Variants in TENM4 observed in about 807,000 individuals in gnomAD.
The protein encoded by TENM4 is teneurin transmembrane protein 4, also known as teneurin-4.
A neutral mutation model predicts 243.3 loss-of-function variants in TENM4; 82 were observed. That is an observed-to-expected ratio of 0.34 (90% CI 0.28 to 0.40). The LOEUF (loss-of-function observed/expected upper bound fraction) is 0.40, where lower values mean the gene tolerates loss of function less well. Ranked by LOEUF, TENM4 falls within the 10% of genes least tolerant of loss-of-function variation. The probability of loss-of-function intolerance (pLI) is 1.00; values close to 1 mark genes in which losing one functional copy is unlikely to be tolerated. For synonymous variants in TENM4, 1,412 were observed against 1,456.3 expected (o/e 0.97, Z 0.69); for missense variants, 3,138 against 3,673.3 (o/e 0.85, Z 3.77).
intron 6 of TENM4, among the ~76,000 whole-genome samples, chr11:78,980,512 G>T (rs660810): frequency 6.6e-6 from 1 of 151,990 alleles, no homozygotes; most frequent in Admixed American, 6.5e-5. Context: ...GGAAGTTGAG[G>T]CCTGGAAGGT....
At chr11:79,244,504 C>T (rs1382543062) in intron 2 of TENM4, among the ~76,000 whole-genome samples, 2 of 152,026 alleles carry the variant, frequency 1.3e-5, no homozygotes, top group East Asian at 3.9e-4. Context: ...AATCTCCGTG[C>T]AGAACCAGGT....
intron 6 of TENM4, among the ~76,000 whole-genome samples, chr11:78,981,103 T>C (rs1240129338): frequency 6.6e-6 from 1 of 152,136 alleles, no homozygotes; most frequent in Admixed American, 6.5e-5. Flanking sequence ...CTATGAAGTA[T>C]CTGGCCTATT....
chr11:78,908,689 A>G (rs1487887862), intron 6 of TENM4, among the ~76,000 whole-genome samples: 1 of 152,238 alleles, frequency 6.6e-6, no homozygotes, highest in Non-Finnish European at 1.5e-5. Context: ...CACTCAGAAT[A>G]AAACCAGACA....
chr11:78,805,282 C>CCCCCCCCCACCCCCCCCCCCCCTTT lies in TENM4; in HGVS notation c.2179+9_2179+10insAAAGGGGGGGGGGGGGTGGGGGGGG. ...CCCTCTACCCATGCTTCTTCTCCCCCTGCATTTACCGATAGAACAGTCGTG... is the reference window on the plus strand; with the variant it reads ...CCCTCTACCCATGCTTCTTCTCCCCCCCCCCCCCACCCCCCCCCCCCCTTTTGCATTTACCGATAGAACAGTCGTG... On this transcript the variant is annotated intron_variant, in intron 15 of 33. Coordinates refer to ENST00000278550, the MANE Select transcript of TENM4 (RefSeq NM_001098816.3). 4.0e-6 allele frequency: 4 copies of CCCCCCCCCACCCCCCCCCCCCCTTT among 995,556 alleles called. No homozygotes were observed. In the South Asian group the frequency reaches 9.7e-5, roughly 24 times the overall value. 61.7% of individuals were successfully genotyped at this position (995,556 alleles called of 1,614,324 possible).
At chr11:79,083,340 T>C (rs971564523) in intron 4 of TENM4, among the ~76,000 whole-genome samples, 1 of 152,210 alleles carries the variant, frequency 6.6e-6, no homozygotes, top group African/African-American at 2.4e-5. Context: ...GCTGGCCACC[T>C]CCTCTTGAGA....
chr11:79,014,425 A>G (rs1333594635), intron 6 of TENM4: 1 of 152,234 alleles, frequency 6.6e-6, no homozygotes, highest in Non-Finnish European at 1.5e-5. Flanking sequence ...ATTAAGGCTC[A>G]CAATGACAGT....
intron 2 of TENM4, among the ~76,000 whole-genome samples, chr11:79,248,760 C>A (rs1855562353): frequency 6.9e-6 from 1 of 144,682 alleles, no homozygotes; most frequent in Admixed American, 6.7e-5. Context: ...ATATGGTCAA[C>A]TTTTTCTGCA....
intron 3 of TENM4, among the ~76,000 whole-genome samples, chr11:79,176,406 CT>C (rs1863160643): frequency 6.6e-6 from 1 of 152,192 alleles, no homozygotes. Context: ...CTTAGCAATT[CT>C]TTTCAGATGT....
At chr11:79,324,905 G>A (rs1393534426) in intron 1 of TENM4, among the ~76,000 whole-genome samples, 1 of 152,134 alleles carries the variant, frequency 6.6e-6, no homozygotes, top group Admixed American at 6.5e-5. Context: ...TTAGGAGTCA[G>A]GTGAAATGGA....
At chr11:78,937,331 G>C (rs1484994043) in intron 6 of TENM4, among the ~76,000 whole-genome samples, 2 of 152,144 alleles carry the variant, frequency 1.3e-5, no homozygotes, top group African/African-American at 4.8e-5. Flanking sequence ...GTTTCCCAGA[G>C]GGTGCTTTTC....
chr11:79,345,374 T>C (rs775564767), intron 1 of TENM4, among the ~76,000 whole-genome samples: 6 of 152,230 alleles, frequency 3.9e-5, no homozygotes, highest in Admixed American at 2.6e-4. Context: ...CTTCCCTCTC[T>C]CATTTTTCCA....
chr11:78,804,381 T>C (rs546691154), intron 15 of TENM4, among the ~76,000 whole-genome samples: 1 of 152,300 alleles, frequency 6.6e-6, no homozygotes, highest in South Asian at 2.1e-4. Flanking sequence ...CTGTAGGGGC[T>C]CAGTAAGTAT....
chr11:78,746,075 C>T (rs1179044034), intron 19 of TENM4, among the ~76,000 whole-genome samples: 1 of 152,180 alleles, frequency 6.6e-6, no homozygotes, highest in Non-Finnish European at 1.5e-5. Flanking sequence ...GCCTCAGCCT[C>T]CCCAGTAGCT....
chr11:78,714,139 A>G (rs935424020), intron 25 of TENM4, among the ~76,000 whole-genome samples: 4 of 152,212 alleles, frequency 2.6e-5, no homozygotes, highest in Non-Finnish European at 4.4e-5. Context: ...CTTCAAGATG[A>G]AAGCAAGAGA....
At chr11:78,900,712 T>C (rs1247515273) in intron 7 of TENM4, among the ~76,000 whole-genome samples, 1 of 152,176 alleles carries the variant, frequency 6.6e-6, no homozygotes, top group Admixed American at 6.5e-5. Context: ...TTAGGGAACT[T>C]GGCCAGCTAG....
At position 78,712,633 on chromosome 11, in the gene TENM4, C is replaced by A. The variant is rs1203820582; in HGVS notation, c.3903G>T (p.Arg1301=). 1.2e-6 allele frequency: 2 copies of A among 1,613,986 alleles called. No individual in the cohort carries two copies. Among genetic ancestry groups the A allele is most frequent in the East Asian group, 4.5e-5 (2 of 44,880 alleles). Residue 1301 remains arginine (R), a synonymous_variant, in exon 26 of 34, where the codon CGG becomes CGT. Transcript: ENST00000278550. ...CCACAGTGGACTTGATTTTAAAGAC[C>A]CGCCGGCTGTTGCTGTCAGAAAGGA... is the stretch of plus-strand genomic sequence containing the variant. ...AVFLSDSNSR[R]VFKIKSTVVV...
chr11:79,432,024 T>C (rs1445166633), intron 1 of TENM4, among the ~76,000 whole-genome samples: 1 of 152,234 alleles, frequency 6.6e-6, no homozygotes, highest in Non-Finnish European at 1.5e-5. Context: ...GTTGAGCACT[T>C]GAAATCTGGC....
At chr11:79,267,504 G>A (rs1391031286) in intron 2 of TENM4, among the ~76,000 whole-genome samples, 1 of 152,168 alleles carries the variant, frequency 6.6e-6, no homozygotes, top group South Asian at 2.1e-4. Context: ...TAGGGACTAA[G>A]GTTTAGAGTC....
chr11:78,999,749 G>A (rs1858267691), intron 6 of TENM4, among the ~76,000 whole-genome samples: 1 of 152,096 alleles, frequency 6.6e-6, no homozygotes, highest in Non-Finnish European at 1.5e-5. Flanking sequence ...CTGACTGAGA[G>A]TGGGACAACA....
Sources: allele counts gnomAD v4.1 joint callset (sites outside exome capture counted in the v4.1 genomes callset), GRCh38; gene constraint gnomAD v4.1.1; transcripts MANE v1.5; gene names NCBI Gene and HGNC (gene_info 2026-07-23, HGNC 2026-07-21).